Variants in NR4A1 observed in about 807,000 individuals in gnomAD.
NR4A1 encodes the protein nuclear receptor subfamily 4immunitygroup A member 1.
A neutral mutation model predicts 47.5 loss-of-function variants in NR4A1; 24 were observed. The observed-to-expected ratio is 0.50, with a 90% confidence interval of 0.37 to 0.71. The LOEUF is 0.71. Ranked by LOEUF, NR4A1 falls within the 30% of genes least tolerant of loss-of-function variation. NR4A1 has a pLI of 0.00. For synonymous variants in NR4A1, 353 were observed against 345.7 expected (o/e 1.02, Z -0.24); for missense variants, 669 against 788.6 (o/e 0.85, Z 1.82).
At chr12:52,024,199 C>A (rs1425310190) in intron 1 of NR4A1, among the ~76,000 whole-genome samples, 2 of 152,188 alleles carry the variant, frequency 1.3e-5, no homozygotes, top group South Asian at 2.1e-4. Flanking sequence ...TTGCCTTCTG[C>A]GGGGGTGACG....
At chr12:52,047,273 T>C (rs1010146299), upstream of NR4A1, among the ~76,000 whole-genome samples, 37 of 152,268 alleles carry the variant, frequency 2.4e-4, no homozygotes, top group African/African-American at 8.9e-4. Context: ...CCAGCATTTG[T>C]TTTAGGCCTC....
At chr12:52,031,778 ATTT>A (rs61279135) in intron 1 of NR4A1, among the ~76,000 whole-genome samples, 4 of 125,858 alleles carry the variant, frequency 3.2e-5, no homozygotes, top group Non-Finnish European at 1.6e-5. Flanking sequence ...GTGATGGTTA[ATTT>A]TTTTTTTTTT....
chr12:52,023,242 TG>T (rs1411831013), intron 1 of NR4A1, among the ~76,000 whole-genome samples: 1 of 152,156 alleles, frequency 6.6e-6, no homozygotes, highest in Non-Finnish European at 1.5e-5. Flanking sequence ...CTGCGGCGGT[TG>T]GGGGCTGGCG....
Position 52,055,771 on chromosome 12 carries a change from A to G in NR4A1, c.877-259A>G, listed in dbSNP as rs1304039544. The G allele has an allele frequency of 1.8e-5, 6 of 335,946 alleles. No individual in the cohort carries two copies. In the Admixed American group the frequency reaches 2.7e-4, roughly 15 times the overall value. 20.8% of individuals were successfully genotyped at this position (335,946 alleles called of 1,614,324 possible). On this transcript the variant is annotated intron_variant, in intron 2 of 6. Coordinates refer to ENST00000394825, the MANE Select transcript of NR4A1 (RefSeq NM_173157.3). ...AAAAAATACAGGTGTCTAGACTGCC[A>G]GGGAGACCCTGGCCCCCAGTAGTGT...
chr12:52,028,671 C>G, intron 1 of NR4A1, among the ~76,000 whole-genome samples: 1 of 151,616 alleles, frequency 6.6e-6, no homozygotes, highest in East Asian at 1.9e-4. Flanking sequence ...TTTGGGAGGC[C>G]GAGGTGGGTG....
intron 2 of NR4A1, chr12:52,043,738 C>T: frequency 7.8e-7 from 1 of 1,282,724 alleles, no homozygotes; most frequent in South Asian, 1.2e-5. Flanking sequence ...CCAGAGCTCG[C>T]TCAGCTGCTG....
In NR4A1 at chr12:52,056,343, A is replaced by G. The variant is rs1939270626; in HGVS notation, c.1007-151A>G. On this transcript the variant is annotated intron_variant, in intron 3 of 6. Coordinates refer to ENST00000394825, the MANE Select transcript of NR4A1 (RefSeq NM_173157.3). The stretch of plus-strand genomic sequence containing the variant: ...CTGCCTGGATTGTGAGGGTGGTGGC[A>G]GGGGGAGGTTCCTATAGGGTACCTT... 4 of 1,357,214 alleles carry G rather than the reference A, an allele frequency of 2.9e-6. No individual in the cohort carries two copies. The South Asian group carries it at 5.6e-5, about 19-fold the overall frequency. The allele number at this position is 1,357,214 out of a possible 1,614,324, so 84.1% of individuals were successfully genotyped here. A position where few individuals can be genotyped will look rare whatever the true frequency, so the allele number is the denominator to read the frequency against.
intron 6 of NR4A1, 61 bp downstream of exon 6, chr12:52,057,591 C>A: frequency 6.3e-7 from 1 of 1,585,194 alleles, no homozygotes; most frequent in Non-Finnish European, 8.6e-7. Flanking sequence ...GACTGGTTCT[C>A]AGGAGGGCAC....
At chr12:52,027,557 C>T (rs1196950810) in intron 1 of NR4A1, among the ~76,000 whole-genome samples, 1 of 152,252 alleles carries the variant, frequency 6.6e-6, no homozygotes, top group Non-Finnish European at 1.5e-5. Context: ...AGACAGTCAG[C>T]ACTGGGAGGG....
chr12:52,057,448 C>T lies in NR4A1; in HGVS notation c.1458C>T (p.Ile486=). ...ARGFGDWIDS[I]LAFSRSLHSL... is the part of the protein sequence containing the mutation. ...GCTTCGGGGACTGGATTGACAGTAT[C>T]CTGGCCTTCTCAAGGTCCCTGCACA... is the stretch of plus-strand genomic sequence containing the variant. Residue 486 remains isoleucine, a synonymous_variant, in exon 6 of 7, where the codon ATC becomes ATT. Coordinates refer to ENST00000394825, the MANE Select transcript of NR4A1 (RefSeq NM_173157.3). The T allele has an allele frequency of 6.2e-7, 1 of 1,614,224 alleles. No homozygotes were observed. The highest frequency in any genetic ancestry group is 1.1e-5 in the South Asian group (1 of 91,090).
chr12:52,042,391 G>A (rs1400646804), intron 2 of NR4A1, among the ~76,000 whole-genome samples: 1 of 152,020 alleles, frequency 6.6e-6, no homozygotes, highest in Non-Finnish European at 1.5e-5. Flanking sequence ...CCTTCCTCGT[G>A]GAAAGCATGG....
At chr12:52,048,855 A>G (rs967857033), upstream of NR4A1, among the ~76,000 whole-genome samples, 1 of 151,926 alleles carries the variant, frequency 6.6e-6, no homozygotes, top group Non-Finnish European at 1.5e-5. Flanking sequence ...GTCATTTTCC[A>G]CAAAAGGATT....
chr12:52,043,982 A>T, intron 2 of NR4A1: 1 of 1,254,998 alleles, frequency 8.0e-7, no homozygotes, highest in East Asian at 5.6e-5. Flanking sequence ...TGTGACTGTC[A>T]TGCCAAACCC....
intron 1 of NR4A1, among the ~76,000 whole-genome samples, chr12:52,034,964 T>C (rs1013694533): frequency 6.6e-6 from 1 of 152,114 alleles, no homozygotes; most frequent in Admixed American, 6.5e-5. Context: ...GTGAGATAGG[T>C]TTCTTATCAT....
At chr12:52,041,798 C>T (rs1244525125) in intron 1 of NR4A1, 2 of 1,344,612 alleles carry the variant, frequency 1.5e-6, no homozygotes, top group South Asian at 4.3e-5. Flanking sequence ...CACATCGACT[C>T]TCCCTCTGTA....
At chr12:52,036,113 A>G (rs578065489) in intron 1 of NR4A1, among the ~76,000 whole-genome samples, 3 of 152,280 alleles carry the variant, frequency 2.0e-5, no homozygotes, top group Admixed American at 2.0e-4. Context: ...GCCAGCCCCA[A>G]TCCCATTGCT....
chr12:52,056,026 C>G lies in NR4A1; in HGVS notation c.877-4C>G. ...AGCTTGTTCCGTGTTGCCCCCCCAC[C>G]CAGCGCACAGTGCAGAAAAACGCCA... On this transcript the variant is annotated splice_polypyrimidine_tract_variant and splice_region_variant and intron_variant, in intron 2 of 6. Transcript: ENST00000394825. The G allele has an allele frequency of 6.6e-7, 1 of 1,525,926 alleles. No homozygotes were observed. Among genetic ancestry groups the G allele is most frequent in the Non-Finnish European group, 8.8e-7 (1 of 1,135,612 alleles). 94.5% of individuals were successfully genotyped at this position (1,525,926 alleles called of 1,614,324 possible).
At position 52,056,016 on chromosome 12, in the gene NR4A1, G is replaced by A; in HGVS notation, c.877-14G>A. On this transcript the variant is annotated splice_polypyrimidine_tract_variant and intron_variant, in intron 2 of 6. Coordinates refer to ENST00000394825, the MANE Select transcript of NR4A1 (RefSeq NM_173157.3). ...ACACTCTGACAGCTTGTTCCGTGTT[G>A]CCCCCCCACCCAGCGCACAGTGCAG... is the stretch of plus-strand genomic sequence containing the variant. 1.1e-6 allele frequency: 1 copy of A among 906,476 alleles called. No individual in the cohort carries two copies. The highest frequency in any genetic ancestry group is 1.4e-6 in the Non-Finnish European group (1 of 717,376). 56.2% of individuals were successfully genotyped at this position (906,476 alleles called of 1,614,324 possible). A position where few individuals can be genotyped will look rare whatever the true frequency, so the allele number is the denominator to read the frequency against.
At chr12:52,051,792 G>C (rs1461733948) in intron 1 of NR4A1, among the ~76,000 whole-genome samples, 1 of 152,164 alleles carries the variant, frequency 6.6e-6, no homozygotes, top group Non-Finnish European at 1.5e-5. Context: ...AGCTGTAGGG[G>C]GTTGGGGTTG....
Sources: allele counts gnomAD v4.1 joint callset (sites outside exome capture counted in the v4.1 genomes callset), GRCh38; gene constraint gnomAD v4.1.1; transcripts MANE v1.5; gene names NCBI Gene and HGNC (gene_info 2026-07-23, HGNC 2026-07-21).